The following DPF3 variants were observed in gnomAD, a reference collection of about 807,000 sequenced individuals.
The protein encoded by DPF3 is zinc finger protein DPF3.
DPF3 carries 18 observed loss-of-function variants against 56.8 expected under a neutral mutation model. That is an observed-to-expected ratio of 0.32 (90% confidence interval 0.22 to 0.47). The LOEUF (loss-of-function observed/expected upper bound fraction) is 0.47, where lower values mean the gene tolerates loss of function less well. Ranked by LOEUF, DPF3 falls within the 20% of genes least tolerant of loss-of-function variation. The pLI, the probability that DPF3 is intolerant of heterozygous loss-of-function variation, is 1.00. For synonymous variants in DPF3, 188 were observed against 180.2 expected (o/e 1.04, Z -0.35); for missense variants, 403 against 488.8 (o/e 0.82, Z 1.65).
intron 1 of DPF3, among the ~76,000 whole-genome samples, chr14:72,873,523 C>T (rs1885985857): frequency 6.6e-6 from 1 of 152,184 alleles, no homozygotes; most frequent in Non-Finnish European, 1.5e-5. Flanking sequence ...GGCGATTCCT[C>T]AGGGATCTAG....
In DPF3 at chr14:72,612,699, T is replaced by A; in HGVS notation, c.*6598A>T. On this transcript the variant is annotated 3_prime_UTR_variant, in exon 11 of 11. Coordinates refer to ENST00000556509, the MANE Select transcript of DPF3 (RefSeq NM_001280542.3). ...CAAACCCCATTCTAGCCATAAAAGC[T>A]TTGCATCCCTTTGATAGCAGAATTG... is the stretch of plus-strand genomic sequence containing the variant. The A allele has an allele frequency of 2.1e-6, 1 of 470,088 alleles. No homozygotes were observed. Among genetic ancestry groups the A allele is most frequent in the Non-Finnish European group, 4.3e-6 (1 of 232,978 alleles). 29.1% of individuals were successfully genotyped at this position (470,088 alleles called of 1,614,324 possible).
In DPF3 at chr14:72,614,097, TC is replaced by T. The variant is rs1304175072; in HGVS notation, c.*5199del. Among the ~76,000 whole-genome samples the T allele has an allele frequency of 2.0e-5, 3 of 152,146 alleles. No homozygotes were observed. The highest frequency in any genetic ancestry group is 7.2e-5 in the African/African-American group (3 of 41,410). ...CAAAGGCCTTGAACCAACCCATCTGTCCCATTGTTTCCACACTCAGGGCTGG... is the reference window on the plus strand; with the variant it reads ...CAAAGGCCTTGAACCAACCCATCTGTCCATTGTTTCCACACTCAGGGCTGG... On this transcript the variant is annotated 3_prime_UTR_variant, in exon 11 of 11. Transcript: ENST00000556509.
chr14:72,708,407 G>A (rs141825541), intron 6 of DPF3, among the ~76,000 whole-genome samples: 62 of 152,212 alleles, frequency 4.1e-4, no homozygotes, highest in African/African-American at 1.3e-3. Flanking sequence ...TGGGGGCACC[G>A]AGCCTTTCCT....
Position 72,647,962 on chromosome 14 carries a change from C to T in DPF3, c.872-18226G>A, listed in dbSNP as rs189838952. Among the ~76,000 whole-genome samples the T allele has an allele frequency of 2.3e-3, 355 of 152,176 alleles. 12 individuals are homozygous for T. The East Asian group carries it at 0.054, about 23-fold the overall frequency. On this transcript the variant is annotated intron_variant, in intron 8 of 10. Coordinates refer to ENST00000556509, the MANE Select transcript of DPF3 (RefSeq NM_001280542.3). The stretch of plus-strand genomic sequence containing the variant: ...TCCTCTCACGTCGTCACTGCTCATG[C>T]ACCTATCTTAGATTCCACATCCAGC...
At chr14:72,663,156 TG>T (rs1253954436) in intron 8 of DPF3, among the ~76,000 whole-genome samples, 1 of 55,154 alleles carries the variant, frequency 1.8e-5, no homozygotes, top group East Asian at 3.0e-3. Flanking sequence ...CAGGCAGAAC[TG>T]GGTGTTAGCA....
intron 7 of DPF3, among the ~76,000 whole-genome samples, chr14:72,692,365 T>A (rs1469717362): frequency 1.3e-5 from 2 of 152,212 alleles, no homozygotes; most frequent in African/African-American, 2.4e-5. Flanking sequence ...CCATAAGGGA[T>A]GTTCTAGAGG....
At chr14:72,778,707 C>T (rs1891849787) in intron 1 of DPF3, among the ~76,000 whole-genome samples, 1 of 152,178 alleles carries the variant, frequency 6.6e-6, no homozygotes, top group African/African-American at 2.4e-5. Flanking sequence ...CATTTTAATA[C>T]AGCAGCTGGA....
intron 8 of DPF3, among the ~76,000 whole-genome samples, chr14:72,641,880 TTC>T (rs1316739618): frequency 6.6e-6 from 1 of 152,342 alleles, no homozygotes; most frequent in East Asian, 1.9e-4. Context: ...GCACTGTGGT[TTC>T]TGTCTTGACT....
intron 1 of DPF3, among the ~76,000 whole-genome samples, chr14:72,883,679 G>C (rs916688373): frequency 2.0e-5 from 3 of 152,126 alleles, no homozygotes; most frequent in Non-Finnish European, 4.4e-5. Flanking sequence ...TGTAATCCCA[G>C]CACGTGGGGA....
intron 6 of DPF3, among the ~76,000 whole-genome samples, chr14:72,709,571 A>T (rs1888565778): frequency 1.3e-5 from 2 of 152,126 alleles, no homozygotes. Flanking sequence ...AACTTTGAAA[A>T]TGCTTTTTCC....
intron 6 of DPF3, among the ~76,000 whole-genome samples, chr14:72,712,052 C>T (rs1278974580): frequency 2.6e-5 from 4 of 151,782 alleles, no homozygotes; most frequent in African/African-American, 9.7e-5. Flanking sequence ...CAAAGAGAGC[C>T]AGAACAGAGA....
In DPF3 at chr14:72,612,166, T is replaced by C. The variant is rs1883765711; in HGVS notation, c.*7131A>G. 6.6e-6 allele frequency among the ~76,000 whole-genome samples: 1 copy of C among 152,204 alleles called. No individual in the cohort carries two copies. The highest frequency in any genetic ancestry group is 2.1e-4 in the South Asian group (1 of 4,832). ...CCCCAGGGTGGACAACCATGGCAGA[T>C]GAGTGGGGGGCAGCTTGGATGGACT... is the stretch of plus-strand genomic sequence containing the variant. On this transcript the variant is annotated 3_prime_UTR_variant, in exon 11 of 11. Transcript: ENST00000556509.
chr14:72,723,864 TG>T, intron 4 of DPF3, 136 bp from the exon 5 acceptor site: 1 of 814,426 alleles, frequency 1.2e-6, no homozygotes, highest in Non-Finnish European at 1.9e-6. Context: ...CTTGGGCAGT[TG>T]GGCCCTCTGA....
At chr14:72,791,716 G>A (rs1190745068) in intron 1 of DPF3, among the ~76,000 whole-genome samples, 4 of 152,242 alleles carry the variant, frequency 2.6e-5, no homozygotes, top group African/African-American at 9.6e-5. Context: ...TCACTTTCAT[G>A]TTAAAAGACG....
At chr14:72,693,385 T>G (rs1483805114) in intron 6 of DPF3, among the ~76,000 whole-genome samples, 172 bp from the exon 7 acceptor site, 1 of 152,016 alleles carries the variant, frequency 6.6e-6, no homozygotes, top group Non-Finnish European at 1.5e-5. Flanking sequence ...ACCAACACCC[T>G]TGTAACAACT....
intron 1 of DPF3, among the ~76,000 whole-genome samples, chr14:72,793,648 T>C (rs1381227353): frequency 2.0e-5 from 3 of 152,166 alleles, no homozygotes; most frequent in Non-Finnish European, 4.4e-5. Flanking sequence ...CTGGGCCATG[T>C]AGAGCATCCA....
At chr14:72,649,979 C>T (rs938701327) in intron 8 of DPF3, among the ~76,000 whole-genome samples, 4 of 152,186 alleles carry the variant, frequency 2.6e-5, no homozygotes, top group South Asian at 2.1e-4. Flanking sequence ...CACAGGAGGC[C>T]GAGCGGCTGA....
rs1161615622 is a variant in DPF3 at position 72,615,097 on chromosome 14, C to T, written c.*4200G>A. On this transcript the variant is annotated 3_prime_UTR_variant, in exon 11 of 11. Coordinates refer to ENST00000556509, the MANE Select transcript of DPF3 (RefSeq NM_001280542.3). ...CCCTCGGGCTGAGACATGGGGACCC[C>T]CTGAAGAGGGGCTAGGAGGGGCAGC... 6.6e-6 allele frequency among the ~76,000 whole-genome samples: 1 copy of T among 152,148 alleles called. No homozygotes were observed. The highest frequency in any genetic ancestry group is 1.5e-5 in the Non-Finnish European group (1 of 68,012).
chr14:72,883,926 C>CA (rs5809597), intron 1 of DPF3, among the ~76,000 whole-genome samples: 90,147 of 121,438 alleles, frequency 0.74, 33,563 homozygotes, highest in South Asian at 0.88. Context: ...GACTCTGTCT[C>CA]AAAAAAAAAA....
Sources: allele counts gnomAD v4.1 joint callset (sites outside exome capture counted in the v4.1 genomes callset), GRCh38; gene constraint gnomAD v4.1.1; transcripts MANE v1.5; gene names NCBI Gene and HGNC (gene_info 2026-07-23, HGNC 2026-07-21).